The following CENPW variants were observed in gnomAD, a reference collection of about 807,000 sequenced individuals.
CENPW encodes cancer-up-regulated gene 2 protein.
Under a neutral mutation model 11.1 loss-of-function variants are expected in CENPW, and 3 were observed. That is an observed-to-expected ratio of 0.27 (90% CI 0.12 to 0.70). The LOEUF is 0.70. CENPW is among the 30% of genes least tolerant of loss of function. The pLI is 0.77. For synonymous variants in CENPW, 38 were observed against 42.0 expected (o/e 0.91, Z 0.37); for missense variants, 100 against 105.6 (o/e 0.95, Z 0.23).
At chr6:126,370,248 C>T in the CENPW span, among the ~76,000 whole-genome samples, 4 of 151,716 alleles carry the variant, frequency 2.6e-5, no homozygotes, top group East Asian at 1.9e-4. Context: ...GCTTTGGCTG[C>T]GTGGGATTTT....
chr6:126,478,964 G>T, the CENPW span, among the ~76,000 whole-genome samples: 1 of 151,968 alleles, frequency 6.6e-6, no homozygotes, highest in South Asian at 2.1e-4. Flanking sequence ...AAAGCCCTTG[G>T]ATAAACCTTC....
chr6:126,416,324 C>T, the CENPW span, among the ~76,000 whole-genome samples: 2 of 152,000 alleles, frequency 1.3e-5, no homozygotes, highest in African/African-American at 4.8e-5. Flanking sequence ...AAAGGCATTC[C>T]GTTTTATAAG....
the CENPW span, among the ~76,000 whole-genome samples, chr6:126,480,645 A>G: frequency 6.6e-6 from 1 of 152,022 alleles, no homozygotes; most frequent in Non-Finnish European, 1.5e-5. Context: ...AAAACATCCC[A>G]AAATGCTGGA....
At chr6:126,379,352 T>G in the CENPW span, among the ~76,000 whole-genome samples, 2 of 152,192 alleles carry the variant, frequency 1.3e-5, no homozygotes, top group Non-Finnish European at 2.9e-5. Flanking sequence ...TTAATATATA[T>G]AAGGCATTCC....
At chr6:126,378,048 A>G in the CENPW span, among the ~76,000 whole-genome samples, 2 of 152,178 alleles carry the variant, frequency 1.3e-5, no homozygotes, top group Admixed American at 1.3e-4. Context: ...TAAAACTCCA[A>G]ATTAGCTACA....
chr6:126,408,357 C>T, the CENPW span, among the ~76,000 whole-genome samples: 5 of 152,158 alleles, frequency 3.3e-5, no homozygotes, highest in African/African-American at 4.8e-5. Context: ...GCATGTCTTA[C>T]ATGCTGGCAG....
the CENPW span, among the ~76,000 whole-genome samples, chr6:126,468,020 G>A: frequency 6.6e-6 from 1 of 152,028 alleles, no homozygotes; most frequent in African/African-American, 2.4e-5. Context: ...TACGCAACCA[G>A]TACTAAAATG....
chr6:126,474,937 A>G, the CENPW span, among the ~76,000 whole-genome samples: 3 of 152,160 alleles, frequency 2.0e-5, no homozygotes, highest in South Asian at 2.1e-4. Context: ...CCTGCTATGA[A>G]AAGAAAGGTT....
chr6:126,460,603 T>C, the CENPW span, among the ~76,000 whole-genome samples: 1 of 151,792 alleles, frequency 6.6e-6, no homozygotes. Flanking sequence ...CATGTTTTTC[T>C]ACTTACTAGT....
the CENPW span, among the ~76,000 whole-genome samples, chr6:126,380,568 T>A: frequency 2.0e-5 from 3 of 152,214 alleles, no homozygotes; most frequent in Non-Finnish European, 2.9e-5. Flanking sequence ...AGCATGTGAA[T>A]CTTGTCTCTG....
At chr6:126,404,270 G>A in the CENPW span, among the ~76,000 whole-genome samples, 1 of 152,072 alleles carries the variant, frequency 6.6e-6, no homozygotes, top group Non-Finnish European at 1.5e-5. Flanking sequence ...TGCAGCCCAT[G>A]GATCAAGGAG....
intron 2 of CENPW, among the ~76,000 whole-genome samples, chr6:126,348,100 T>C (rs1418710388): frequency 3.3e-5 from 5 of 151,972 alleles, no homozygotes; most frequent in Non-Finnish European, 7.4e-5. Context: ...AACTCTTTAA[T>C]TGGTATTGTT....
chr6:126,444,547 GTCTT>G, the CENPW span, among the ~76,000 whole-genome samples: 1 of 150,766 alleles, frequency 6.6e-6, no homozygotes, highest in Non-Finnish European at 1.5e-5. Flanking sequence ...TTATTTCTAA[GTCTT>G]TCTTGAGTTT....
At chr6:126,435,397 G>A in the CENPW span, among the ~76,000 whole-genome samples, 6 of 151,566 alleles carry the variant, frequency 4.0e-5, no homozygotes, top group Non-Finnish European at 7.4e-5. Flanking sequence ...CTATTAAAAG[G>A]TTATTTAGTC....
chr6:126,393,841 T>C, the CENPW span, among the ~76,000 whole-genome samples: 1 of 151,322 alleles, frequency 6.6e-6, no homozygotes, highest in East Asian at 1.9e-4. Flanking sequence ...TTACATTTGC[T>C]ATATCCTATT....
At chr6:126,357,918 T>C in the CENPW span, among the ~76,000 whole-genome samples, 1 of 152,214 alleles carries the variant, frequency 6.6e-6, no homozygotes, top group Non-Finnish European at 1.5e-5. Flanking sequence ...GTTCTTCTTA[T>C]AGGATCTTTC....
intron 1 of CENPW, among the ~76,000 whole-genome samples, chr6:126,340,736 G>A (rs1206709783): frequency 6.6e-6 from 1 of 152,178 alleles, no homozygotes; most frequent in East Asian, 1.9e-4. Flanking sequence ...TACTTGCAAA[G>A]GGTATGAAAG....
chr6:126,359,632 T>G, the CENPW span, among the ~76,000 whole-genome samples: 2 of 152,170 alleles, frequency 1.3e-5, no homozygotes, highest in Non-Finnish European at 1.5e-5. Context: ...ATTAGGATAG[T>G]TATATCTTAT....
chr6:126,467,156 C>T, the CENPW span, among the ~76,000 whole-genome samples: 21 of 152,138 alleles, frequency 1.4e-4, no homozygotes, highest in Admixed American at 3.9e-4. Context: ...AAAATTCATT[C>T]GAAACCATAA....
Sources: allele counts gnomAD v4.1 joint callset (sites outside exome capture counted in the v4.1 genomes callset), GRCh38; gene constraint gnomAD v4.1.1; transcripts MANE v1.5; gene names NCBI Gene and HGNC (gene_info 2026-07-23, HGNC 2026-07-21).